Variants in SPEG observed in about 807,000 individuals in gnomAD.
SPEG encodes striated muscle enriched protein kinase.
In SPEG, 114 loss-of-function variants were observed where a neutral mutation model predicts 300.4. That is an observed-to-expected ratio of 0.38 (90% confidence interval 0.33 to 0.44). The LOEUF (loss-of-function observed/expected upper bound fraction) is 0.44, where lower values mean the gene tolerates loss of function less well. SPEG is among the 20% of genes least tolerant of loss of function. The pLI is 1.00. For missense variants in SPEG, 4,201 were observed against 4,586.2 expected (o/e 0.92, Z 2.43); for synonymous variants, 1,964 against 2,018.9 (o/e 0.97, Z 0.73).
rs1296771039 is a variant in SPEG, at chr2:219,480,001, C to A, written c.5203C>A (p.Gln1735Lys). The change falls in exon 25 of 41, where the codon CAG (glutamine) becomes AAG (lysine). Residue 1735 changes from glutamine to lysine, a missense_variant. Gln to Lys is a moderately conservative substitution (Grantham distance 53). Around this residue, in one of 4 missense-constraint regions of SPEG, gnomAD observed 1,047 missense variants for 1,356.8 expected, o/e 0.77. Coordinates refer to ENST00000312358, the MANE Select transcript of SPEG (RefSeq NM_005876.5). The surrounding 1 kb of genome is among the most constrained non-coding windows in gnomAD (Gnocchi z 5.3). ...LLVWDGAAGE[Q>K]QVRICDFGNA... ...GGTGTGGGATGGTGCTGCGGGCGAG[C>A]AGCAGGTGCGGATCTGTGACTTTGG... The A allele has an allele frequency of 3.1e-6, 5 of 1,614,036 alleles. No homozygotes were observed.
chr2:219,484,184 C>T lies in SPEG; in HGVS notation c.6721C>T (p.Pro2241Ser), dbSNP rs531748245. ...CCAGGCCCTGCAAACCCTAGCGCTG[C>T]CCCTCACACCCTATGCTCAGATCAT... ...PPQALQTLALPLTPYAQIIQS... is the reference protein window; with the variant it reads ...PPQALQTLALSLTPYAQIIQS... The change falls in exon 30 of 41, where the codon CCC becomes TCC. Residue 2241 changes from proline to serine, a missense_variant. By Grantham distance (74) the Pro-to-Ser change is moderately conservative. Coordinates refer to ENST00000312358, the MANE Select transcript of SPEG (RefSeq NM_005876.5). 15 of 1,613,418 alleles carry T rather than the reference C, an allele frequency of 9.3e-6. No homozygotes were observed. In the East Asian group the frequency reaches 3.1e-4, roughly 34 times the overall value.
intron 6 of SPEG, among the ~76,000 whole-genome samples, chr2:219,454,257 C>T (rs1405449758): frequency 7.9e-5 from 12 of 152,182 alleles, no homozygotes; most frequent in Admixed American, 7.9e-4. Flanking sequence ...GGTTTAGGGG[C>T]AGGGTCTGTG....
In SPEG at chr2:219,451,673, T is replaced by C. The variant is rs758361643; in HGVS notation, c.2306T>C (p.Leu769Pro). Residue 769 changes from leucine (L) to proline (P), a missense_variant, in exon 6 of 41, where the codon CTC (leucine) becomes CCC (proline). Coordinates refer to ENST00000312358, the MANE Select transcript of SPEG (RefSeq NM_005876.5). The surrounding 1 kb of genome is among the most constrained non-coding windows in gnomAD (Gnocchi z 6.4). ...GSALRSEGRL[L>P]LRAEGERHTL... The stretch of plus-strand genomic sequence containing the variant: ...GCGCTGCGCAGCGAGGGCCGCCTCC[T>C]CCTCCGGGCTGAGGGTGAGCGGCAC... The C allele has an allele frequency of 2.5e-6, 4 of 1,586,308 alleles. No individual in the cohort carries two copies. In the African/African-American group the frequency reaches 5.4e-5, roughly 21 times the overall value.
At chr2:219,482,502 G>A in intron 28 of SPEG, 1 of 438,624 alleles carries the variant, frequency 2.3e-6, no homozygotes, top group Non-Finnish European at 4.1e-6. Flanking sequence ...ACCAGGACAG[G>A]GCCATGAGCC....
Position 219,483,568 on chromosome 2 carries a change from G to T in SPEG, c.6105G>T (p.Ala2035=). The change falls in exon 30 of 41, where the codon GCG becomes GCT. Residue 2035 remains alanine, a synonymous_variant. Coordinates refer to ENST00000312358, the MANE Select transcript of SPEG (RefSeq NM_005876.5). ...PRELGRGLHK[A]ASVELPQRRS... is the part of the protein sequence containing the mutation. ...AGCTGGGCCGGGGCCTGCACAAGGC[G>T]GCGTCTGTGGAGCTGCCGCAGCGCC... 1 of 1,451,498 alleles carries T rather than the reference G, an allele frequency of 6.9e-7. No homozygotes were observed. The highest frequency in any genetic ancestry group is 9.0e-7 in the Non-Finnish European group (1 of 1,114,570). The allele number at this position is 1,451,498 out of a possible 1,614,324, so 89.9% of individuals were successfully genotyped here.
intron 18 of SPEG, among the ~76,000 whole-genome samples, chr2:219,474,827 CTCACTCTG>C (rs1421905193): frequency 6.9e-6 from 1 of 145,674 alleles, no homozygotes. Flanking sequence ...AGACAGTCAT[CTCACTCTG>C]TCACCCACAC....
At chr2:219,476,834 C>T in intron 18 of SPEG, 36 bp from the exon 19 acceptor site, 1 of 1,548,024 alleles carries the variant, frequency 6.5e-7, no homozygotes, top group Non-Finnish European at 8.9e-7. Context: ...AGCCCCTAGC[C>T]CCTTCTCTTC....
In SPEG at chr2:219,484,859, A is replaced by G. The variant is rs1472695765; in HGVS notation, c.7396A>G (p.Ser2466Gly). The G allele has an allele frequency of 4.6e-6, 7 of 1,522,352 alleles. No homozygotes were observed. In the South Asian group the frequency reaches 8.4e-5, roughly 18 times the overall value. 94.3% of individuals were successfully genotyped at this position (1,522,352 alleles called of 1,614,324 possible). The part of the protein sequence containing the change: ...RLSFTLERLS[S>G]RLQRSGSSED... ...GAGCTTCACCCTGGAGCGGCTGTCC[A>G]GCCGATTGCAGCGCAGTGGCAGCAG... The change falls in exon 30 of 41, where the codon AGC becomes GGC. Residue 2466 changes from serine to glycine, a missense_variant. Ser to Gly is a moderately conservative substitution (Grantham distance 56). This residue lies in a region of SPEG where 1,578 missense variants were observed against 1,506.0 expected (regional missense o/e 1.05). Transcript: ENST00000312358.
In SPEG at chr2:219,448,529, G is replaced by A. The variant is rs1481977852; in HGVS notation, c.1371G>A (p.Leu457=). 1.4e-6 allele frequency: 2 copies of A among 1,443,778 alleles called. No individual in the cohort carries two copies. Among genetic ancestry groups the A allele is most frequent in the Non-Finnish European group, 1.8e-6 (2 of 1,108,372 alleles). The allele number at this position is 1,443,778 out of a possible 1,614,324, so 89.4% of individuals were successfully genotyped here. The change falls in exon 4 of 41, where the codon CTG becomes CTA. Residue 457 remains leucine, a synonymous_variant. Coordinates refer to ENST00000312358, the MANE Select transcript of SPEG (RefSeq NM_005876.5). ...WGTPGASQEE[L]RAPGSVAERR... Reference sequence around the variant, plus strand: ...CCCCCGGGGCCTCGCAGGAAGAACTGCGGGCGCCAGGCAGCGTGGCCGAGC... The same window carrying A: ...CCCCCGGGGCCTCGCAGGAAGAACTACGGGCGCCAGGCAGCGTGGCCGAGC...
chr2:219,443,677 T>A lies in SPEG; in HGVS notation c.389-976T>A, dbSNP rs189706819. 147 of 320,890 alleles carry A rather than the reference T, an allele frequency of 4.6e-4. No homozygotes were observed. Among genetic ancestry groups the A allele is most frequent in the African/African-American group, 3.0e-3 (138 of 46,276 alleles). The allele number at this position is 320,890 out of a possible 1,614,324, so 19.9% of individuals were successfully genotyped here. ...AGGGGTCAAAGCACAATGCAAATAT[T>A]GTAATAGAGGGTGGGCCTGACTCCT... On this transcript the variant is annotated intron_variant, in intron 1 of 40. Coordinates refer to ENST00000312358, the MANE Select transcript of SPEG (RefSeq NM_005876.5). This position sits in a 1 kb window ranked among gnomAD's most constrained non-coding sequence, Gnocchi z 4.6.
chr2:219,449,784 A>G (rs1262496094), intron 4 of SPEG, among the ~76,000 whole-genome samples: 2 of 152,072 alleles, frequency 1.3e-5, no homozygotes, highest in Non-Finnish European at 2.9e-5. Context: ...CCCCTGACCC[A>G]TGTGTGGCCA....
Position 219,473,315 on chromosome 2 carries a change from C to G in SPEG, c.4148-189C>G. ...CTTTGGGATCGGGCCTGCTGGGGTC[C>G]AACCCCACAACCTCAGCTTTGCTGC... On this transcript the variant is annotated intron_variant, in intron 16 of 40. Transcript: ENST00000312358. This position sits in a 1 kb window ranked among gnomAD's most constrained non-coding sequence, Gnocchi z 4.6. 1 of 748,498 alleles carries G rather than the reference C, an allele frequency of 1.3e-6. No individual in the cohort carries two copies. Among genetic ancestry groups the G allele is most frequent in the Non-Finnish European group, 2.2e-6 (1 of 463,746 alleles). 46.4% of individuals were successfully genotyped at this position (748,498 alleles called of 1,614,324 possible). A position where few individuals can be genotyped will look rare whatever the true frequency, so the allele number is the denominator to read the frequency against.
chr2:219,457,974 C>T (rs560128563), intron 6 of SPEG, among the ~76,000 whole-genome samples: 7 of 152,248 alleles, frequency 4.6e-5, no homozygotes, highest in South Asian at 4.1e-4. Flanking sequence ...TATACTCCCA[C>T]GCCCCTTACC....
intron 40 of SPEG, 29 bp from the exon 41 acceptor site, chr2:219,492,565 G>C: frequency 6.2e-7 from 1 of 1,602,374 alleles, no homozygotes. Context: ...CTTCCTTCCA[G>C]GTTCATCATC....
Position 219,445,028 on chromosome 2 carries a change from G to C in SPEG, c.682G>C (p.Glu228Gln). The C allele has an allele frequency of 1.2e-6, 2 of 1,609,584 alleles. No individual in the cohort carries two copies. The highest frequency in any genetic ancestry group is 1.7e-6 in the Non-Finnish European group (2 of 1,178,162). Residue 228 changes from glutamate to glutamine, a missense_variant, in exon 3 of 41, where the codon GAG becomes CAG. Glu to Gln is a conservative substitution (Grantham distance 29). Transcript: ENST00000312358. The surrounding 1 kb of genome is among the most constrained non-coding windows in gnomAD (Gnocchi z 6.1). ...TGAGPRHLGV[E>Q]PLVRASRANL... ...GGCCGGGCCACGGCACCTGGGGGTG[G>C]AGCCGCTGGTGCGGGCATCTCGAGC...
rs527576204 is a variant in SPEG at position 219,459,147 on chromosome 2, G to A, written c.2441-2735G>A. Among the ~76,000 whole-genome samples the A allele has an allele frequency of 1.3e-5, 2 of 152,248 alleles. No homozygotes were observed. The highest frequency in any genetic ancestry group is 4.8e-5 in the African/African-American group (2 of 41,462). ...AAGGGCAGACATGAGCATGGGGTCAGCGTGGGGGATTGGGAGCCAGTGTGA... is the reference window on the plus strand; with the variant it reads ...AAGGGCAGACATGAGCATGGGGTCAACGTGGGGGATTGGGAGCCAGTGTGA... On this transcript the variant is annotated intron_variant, in intron 6 of 40. Transcript: ENST00000312358. The surrounding 1 kb of genome is among the most constrained non-coding windows in gnomAD (Gnocchi z 4.9).
At chr2:219,471,123 G>A (rs1481061249) in intron 13 of SPEG, among the ~76,000 whole-genome samples, 2 of 152,100 alleles carry the variant, frequency 1.3e-5, no homozygotes, top group Non-Finnish European at 2.9e-5. Flanking sequence ...GAGGGTTGGG[G>A]TCCTGGGAGG....
intron 22 of SPEG, among the ~76,000 whole-genome samples, chr2:219,478,701 G>A (rs1272505282): frequency 6.6e-6 from 1 of 152,162 alleles, no homozygotes; most frequent in Non-Finnish European, 1.5e-5. Context: ...TGCCTGCACT[G>A]TTTGAATTCA....
Position 219,478,065 on chromosome 2 carries a change from G to T in SPEG, c.4987G>T (p.Ala1663Ser). Residue 1663 changes from alanine (A) to serine (S), a missense_variant, in exon 22 of 41, where the codon GCC becomes TCC. Around this residue, in one of 4 missense-constraint regions of SPEG, gnomAD observed 1,047 missense variants for 1,356.8 expected, o/e 0.77. Transcript: ENST00000312358. Reference sequence around the variant, plus strand: ...CGACTGTGTCCTCTACTTCCATGAGGCCTTCGAGAGGCGCCGGGGACTGGT... The same window carrying T: ...CGACTGTGTCCTCTACTTCCATGAGTCCTTCGAGAGGCGCCGGGGACTGGT... ...QHDCVLYFHEAFERRRGLVIV... is the reference protein window; with the variant it reads ...QHDCVLYFHESFERRRGLVIV... The T allele has an allele frequency of 1.9e-6, 3 of 1,614,218 alleles. No homozygotes were observed. Among genetic ancestry groups the T allele is most frequent in the Non-Finnish European group, 2.5e-6 (3 of 1,180,046 alleles).
Sources: allele counts gnomAD v4.1 joint callset (sites outside exome capture counted in the v4.1 genomes callset), GRCh38; gene constraint gnomAD v4.1.1; regional missense constraint gnomAD v4.1.1; non-coding constraint Gnocchi (gnomAD v3.1); transcripts MANE v1.5; gene names NCBI Gene and HGNC (gene_info 2026-07-23, HGNC 2026-07-21).